PTGS1: variants seen among roughly 807,000 people sequenced by gnomAD.
PTGS1 encodes prostaglandin G/H synthase 1.
Under a neutral mutation model 63.0 loss-of-function variants are expected in PTGS1, and 40 were observed. The ratio of observed to expected loss-of-function variants is 0.63; its 90% CI spans 0.49 to 0.83. The LOEUF (loss-of-function observed/expected upper bound fraction) is 0.83, where lower values mean the gene tolerates loss of function less well. PTGS1 is among the 40% of genes least tolerant of loss of function. The probability of loss-of-function intolerance (pLI) is 0.00; values close to 1 mark genes in which losing one functional copy is unlikely to be tolerated. For synonymous variants in PTGS1, 298 were observed against 301.9 expected (o/e 0.99, Z 0.13); for missense variants, 709 against 786.5 (o/e 0.90, Z 1.18).
chr9:122,392,395 G>C lies in PTGS1; in HGVS notation c.1651G>C (p.Gly551Arg). 6.2e-7 allele frequency: 1 copy of C among 1,614,128 alleles called. No homozygotes were observed. Among genetic ancestry groups the C allele is most frequent in the Non-Finnish European group, 8.5e-7 (1 of 1,180,016 alleles). ...PEYWKPSTFG[G>R]EVGFNIVKTA... ...GTACTGGAAGCCGAGCACATTTGGC[G>C]GCGAGGTGGGCTTTAACATTGTCAA... Residue 551 changes from glycine (G) to arginine (R), a missense_variant, in exon 11 of 11, where the codon GGC becomes CGC. Gly to Arg is a moderately radical substitution (Grantham distance 125, BLOSUM62 -2). Transcript: ENST00000362012.
Position 122,386,538 on chromosome 9 carries a change from G to A in PTGS1, c.1102G>A (p.Val368Ile), listed in dbSNP as rs898928989. 3 of 1,614,180 alleles carry A rather than the reference G, an allele frequency of 1.9e-6. No individual in the cohort carries two copies. The highest frequency in any genetic ancestry group is 2.2e-5 in the East Asian group (1 of 44,874). Residue 368 changes from valine to isoleucine, a missense_variant, in exon 9 of 11, where the codon GTC becomes ATC. Coordinates refer to ENST00000362012, the MANE Select transcript of PTGS1 (RefSeq NM_000962.4). Reference sequence around the variant, plus strand: ...ATTTGACCCAGAGCTGCTGTTCGGTGTCCAGTTCCAATACCGCAACCGCAT... The same window carrying A: ...ATTTGACCCAGAGCTGCTGTTCGGTATCCAGTTCCAATACCGCAACCGCAT... ...LKFDPELLFGVQFQYRNRIAM... is the reference protein window; with the variant it reads ...LKFDPELLFGIQFQYRNRIAM...
intron 10 of PTGS1, among the ~76,000 whole-genome samples, chr9:122,391,333 T>G (rs1838225333): frequency 8.4e-6 from 1 of 119,598 alleles, no homozygotes; most frequent in Non-Finnish European, 1.6e-5. Context: ...TATATATGTG[T>G]GTGTATATAT....
At position 122,394,502 on chromosome 9, in the gene PTGS1, G is replaced by T. The variant is rs1838466997; in HGVS notation, c.*1958G>T. The T allele has an allele frequency of 6.6e-6, 1 of 152,084 alleles. No homozygotes were observed. Among genetic ancestry groups the T allele is most frequent in the South Asian group, 2.1e-4 (1 of 4,804 alleles). The allele number at this position is 152,084 out of a possible 1,614,324, so 9.4% of individuals were successfully genotyped here. The stretch of plus-strand genomic sequence containing the variant: ...TTGCTCTGACGTAGAAAGATCCTTC[G>T]GGTGCTGGAAGTCTCCATGAAGAGC... On this transcript the variant is annotated 3_prime_UTR_variant, in exon 11 of 11. Transcript: ENST00000362012.
intron 2 of PTGS1, among the ~76,000 whole-genome samples, chr9:122,374,444 G>GC (rs1170845966): frequency 6.6e-6 from 1 of 152,176 alleles, no homozygotes; most frequent in Non-Finnish European, 1.5e-5. Context: ...GCCAGTAAGA[G>GC]CAGCCACTCT....
intron 10 of PTGS1, among the ~76,000 whole-genome samples, chr9:122,391,409 AC>A (rs1240358397): frequency 6.2e-5 from 3 of 48,396 alleles, no homozygotes; most frequent in Non-Finnish European, 9.0e-5. Context: ...ATATATATAT[AC>A]ATATATATAT....
In PTGS1 at chr9:122,386,582, T is replaced by C. The variant is rs1345922404; in HGVS notation, c.1146T>C (p.His382=). The C allele has an allele frequency of 6.2e-7, 1 of 1,614,076 alleles. No homozygotes were observed. The highest frequency in any genetic ancestry group is 1.3e-5 in the African/African-American group (1 of 74,932). Residue 382 remains histidine (H), a synonymous_variant, in exon 9 of 11, where the codon CAT becomes CAC. Transcript: ENST00000362012. ...ACCGCATTGCCATGGAGTTCAACCATCTCTACCACTGGCACCCCCTCATGC... is the reference window on the plus strand; with the variant it reads ...ACCGCATTGCCATGGAGTTCAACCACCTCTACCACTGGCACCCCCTCATGC... ...YRNRIAMEFN[H]LYHWHPLMPD...
At position 122,395,532 on chromosome 9, in the gene PTGS1, G is replaced by A. The variant is rs1334373850; in HGVS notation, c.*2988G>A. ...TGAGCTGCACCTGATTAGTTGAAAG[G>A]CCTCAAGAACAAACACTGCAGTTTC... On this transcript the variant is annotated 3_prime_UTR_variant, in exon 11 of 11. Transcript: ENST00000362012. 1 of 152,110 alleles carries A rather than the reference G, an allele frequency of 6.6e-6. No homozygotes were observed. The highest frequency in any genetic ancestry group is 6.5e-5 in the Admixed American group (1 of 15,278). 9.4% of individuals were successfully genotyped at this position (152,110 alleles called of 1,614,324 possible). A position where few individuals can be genotyped will look rare whatever the true frequency, so the allele number is the denominator to read the frequency against.
chr9:122,389,138 CTTTTCTTTCCTTTT>C (rs1332266737), intron 9 of PTGS1, among the ~76,000 whole-genome samples: 1 of 128,490 alleles, frequency 7.8e-6, no homozygotes, highest in African/African-American at 2.7e-5. Context: ...CCAGAGCTTT[CTTTTCTTTCCTTTT>C]TTTTTTTTTT....
intron 10 of PTGS1, among the ~76,000 whole-genome samples, chr9:122,391,427 A>T (rs1168326743): frequency 3.4e-5 from 1 of 29,050 alleles, no homozygotes; most frequent in Non-Finnish European, 7.6e-5. Flanking sequence ...ATATATATAT[A>T]CATATATATA....
At chr9:122,390,170 G>T (rs1207116058) in intron 9 of PTGS1, 28 bp from the exon 10 acceptor site, 2 of 1,607,474 alleles carry the variant, frequency 1.2e-6, no homozygotes, top group Admixed American at 1.7e-5. Flanking sequence ...CTGGCTCCCA[G>T]ACCACTGCTG....
At chr9:122,382,035 T>G (rs1041078930) in intron 7 of PTGS1, among the ~76,000 whole-genome samples, 20 of 152,224 alleles carry the variant, frequency 1.3e-4, no homozygotes, top group Non-Finnish European at 2.5e-4. Context: ...ACAATATTAA[T>G]TGGACACGAG....
At position 122,389,528 on chromosome 9, in the gene PTGS1, C is replaced by T. The variant is rs559209100; in HGVS notation, c.1297-670C>T. On this transcript the variant is annotated intron_variant, in intron 9 of 10. Transcript: ENST00000362012. ...CTTTTTCTGCAGCTTTTTTATCTTG[C>T]CAGGTTACCTGGGCTTTGAGTTCTA... Among the ~76,000 whole-genome samples the T allele has an allele frequency of 6.6e-4, 100 of 152,254 alleles. 2 individuals carry two copies. Among genetic ancestry groups the T allele is most frequent in the Admixed American group, 6.1e-3 (94 of 15,294 alleles).
intron 5 of PTGS1, 37 bp from the exon 6 acceptor site, chr9:122,381,334 T>C (rs760355810): frequency 1.8e-5 from 29 of 1,601,842 alleles, no homozygotes; most frequent in Admixed American, 8.5e-5. Context: ...AAGATCCAGA[T>C]AGGAGAAGCT....
At chr9:122,379,891 C>T (rs1459765372) in intron 5 of PTGS1, among the ~76,000 whole-genome samples, 4 of 152,184 alleles carry the variant, frequency 2.6e-5, no homozygotes, top group Non-Finnish European at 5.9e-5. Context: ...AACATCAGGG[C>T]TCACATCTTG....
chr9:122,385,200 C>T (rs1263021166), intron 8 of PTGS1, among the ~76,000 whole-genome samples: 2 of 152,178 alleles, frequency 1.3e-5, no homozygotes, highest in Admixed American at 6.5e-5. Flanking sequence ...TCAGGTGATC[C>T]ACCCGCCTTG....
chr9:122,371,289 C>T lies in PTGS1; in HGVS notation c.94+17C>T. 2 of 1,602,190 alleles carry T rather than the reference C, an allele frequency of 1.2e-6. No individual in the cohort carries two copies. The highest frequency in any genetic ancestry group is 8.5e-7 in the Non-Finnish European group (1 of 1,179,860). On this transcript the variant is annotated intron_variant, in intron 2 of 10. Transcript: ENST00000362012. Reference sequence around the variant, plus strand: ...CCACGCCAGGTAGGCGGCCCCATCCCTCCCCAAGGGAATCCCCGGTCTTGC... The same window carrying T: ...CCACGCCAGGTAGGCGGCCCCATCCTTCCCCAAGGGAATCCCCGGTCTTGC...
Position 122,378,900 on chromosome 9 carries a change from A to T in PTGS1, c.478A>T (p.Thr160Ser), listed in dbSNP as rs1436650713. The change falls in exon 5 of 11, where the codon ACA becomes TCA. Residue 160 changes from threonine (T) to serine (S), a missense_variant. Transcript: ENST00000362012. ...GCCCTCTGTGCCTAAAGATTGCCCC[A>T]CACCCATGGGAACCAAAGGTAAAAT... ...ILPSVPKDCP[T>S]PMGTKGKKQL... 1 of 1,614,094 alleles carries T rather than the reference A, an allele frequency of 6.2e-7. No homozygotes were observed. The highest frequency in any genetic ancestry group is 1.3e-5 in the African/African-American group (1 of 74,936).
chr9:122,371,002 G>T, upstream of PTGS1: 1 of 1,527,926 alleles, frequency 6.5e-7, no homozygotes, highest in Non-Finnish European at 8.8e-7. Context: ...GGGTGGGGAG[G>T]GGATGGGCTG....
chr9:122,371,165 C>G, intron 1 of PTGS1, 21 bp from the exon 2 acceptor site: 1 of 1,608,524 alleles, frequency 6.2e-7, no homozygotes, highest in East Asian at 2.2e-5. Flanking sequence ...AGGCTCAGCC[C>G]CTCATCTCTC....
Sources: allele counts gnomAD v4.1 joint callset (sites outside exome capture counted in the v4.1 genomes callset), GRCh38; gene constraint gnomAD v4.1.1; transcripts MANE v1.5; gene names NCBI Gene and HGNC (gene_info 2026-07-23, HGNC 2026-07-21).